The following NRG3 variants were observed in gnomAD, a reference collection of about 807,000 sequenced individuals.
NRG3 encodes the protein pro-neuregulin-3, membrane-bound isoform.
In NRG3, 31 loss-of-function variants were observed where a neutral mutation model predicts 66.9. The ratio of observed to expected loss-of-function variants is 0.46; its 90% CI spans 0.35 to 0.63. The LOEUF is 0.63. Ranked by LOEUF, NRG3 falls within the 20% of genes least tolerant of loss-of-function variation. The pLI, the probability that NRG3 is intolerant of heterozygous loss-of-function variation, is 0.00. For missense variants in NRG3, 910 were observed against 878.9 expected, an observed-to-expected ratio of 1.04 and a Z score of -0.45; for synonymous variants, 393 against 359.4, an observed-to-expected ratio of 1.09 and a Z score of -1.06.
chr10:82,260,845 G>A (rs1401465224), intron 1 of NRG3, among the ~76,000 whole-genome samples: 1 of 152,200 alleles, frequency 6.6e-6, no homozygotes, highest in African/African-American at 2.4e-5. Context: ...ATGTGGTAAA[G>A]GAGTTCTGTG....
In NRG3 at chr10:81,956,823, A is replaced by G. The variant is rs562357717; in HGVS notation, c.823+80660A>G. Reference sequence around the variant, plus strand: ...TTAACATACTACCAAACTCCTCACTATCCCCTATTAGGCCCTGTGCTACCT... The same window carrying G: ...TTAACATACTACCAAACTCCTCACTGTCCCCTATTAGGCCCTGTGCTACCT... On this transcript the variant is annotated intron_variant, in intron 1 of 8. Coordinates refer to ENST00000372141, the MANE Select transcript of NRG3 (RefSeq NM_001010848.4). Among the ~76,000 whole-genome samples, 4 of 152,212 alleles carry G rather than the reference A, an allele frequency of 2.6e-5. No homozygotes were observed. In the South Asian group the frequency reaches 8.3e-4, roughly 32 times the overall value.
chr10:82,802,542 T>C (rs958468898), intron 3 of NRG3, among the ~76,000 whole-genome samples: 1 of 152,186 alleles, frequency 6.6e-6, no homozygotes, highest in African/African-American at 2.4e-5. Flanking sequence ...GATATATTGA[T>C]TTCAAGACAA....
intron 2 of NRG3, among the ~76,000 whole-genome samples, chr10:82,612,964 T>C (rs1474002091): frequency 6.6e-6 from 1 of 152,192 alleles, no homozygotes; most frequent in East Asian, 1.9e-4. Context: ...TGAATTTGTT[T>C]TCTAAAGTCA....
intron 1 of NRG3, among the ~76,000 whole-genome samples, chr10:81,914,813 C>A (rs1845519263): frequency 6.7e-6 from 1 of 148,186 alleles, no homozygotes; most frequent in South Asian, 2.2e-4. Flanking sequence ...TGTATGATTC[C>A]ATTTTTGCTT....
intron 4 of NRG3, among the ~76,000 whole-genome samples, chr10:82,937,210 A>C (rs1848162587): frequency 6.6e-6 from 1 of 152,218 alleles, no homozygotes; most frequent in Non-Finnish European, 1.5e-5. Flanking sequence ...AAATAATGGT[A>C]ATAATATAGT....
intron 1 of NRG3, among the ~76,000 whole-genome samples, chr10:82,306,519 C>T (rs948757180): frequency 4.0e-5 from 6 of 151,396 alleles, no homozygotes; most frequent in African/African-American, 7.3e-5. Context: ...CTGGCTAATA[C>T]GGTGAAACCC....
intron 1 of NRG3, among the ~76,000 whole-genome samples, chr10:82,017,720 G>C (rs2061850651): frequency 6.6e-6 from 1 of 152,112 alleles, no homozygotes; most frequent in South Asian, 2.1e-4. Flanking sequence ...TGTGTCTGTT[G>C]GCTGCATAAA....
At position 82,699,324 on chromosome 10, in the gene NRG3, AGAAG is replaced by A. The variant is rs1367039855; in HGVS notation, c.954-39240_954-39237del. Among the ~76,000 whole-genome samples, 82 of 150,750 alleles carry A rather than the reference AGAAG, an allele frequency of 5.4e-4. No individual in the cohort carries two copies. In the East Asian group the frequency reaches 0.015, roughly 28 times the overall value. On this transcript the variant is annotated intron_variant, in intron 2 of 8. Transcript: ENST00000372141. Reference sequence around the variant, plus strand: ...GGGAGACAGGGAGGGAGGGAAGGAAAGAAGGAAGGAAGGAAGAAGGGATGGAGGG... The same window carrying A: ...GGGAGACAGGGAGGGAGGGAAGGAAAGAAGGAAGGAAGAAGGGATGGAGGG...
intron 2 of NRG3, among the ~76,000 whole-genome samples, chr10:82,630,250 TAA>T (rs1239116233): frequency 6.6e-6 from 1 of 150,900 alleles, no homozygotes; most frequent in African/African-American, 2.4e-5. Flanking sequence ...GAAAAGTAAA[TAA>T]AGAGGTAATT....
chr10:81,971,773 A>C (rs926220133), intron 1 of NRG3, among the ~76,000 whole-genome samples: 4 of 152,200 alleles, frequency 2.6e-5, no homozygotes, highest in African/African-American at 9.6e-5. Flanking sequence ...CAGGGAGACC[A>C]TGGTGGCTAG....
chr10:82,493,343 A>G (rs1843324935), intron 2 of NRG3, among the ~76,000 whole-genome samples: 2 of 151,914 alleles, frequency 1.3e-5, no homozygotes, highest in African/African-American at 2.4e-5. Flanking sequence ...ATGTGTTCTC[A>G]TTGTTCAGCT....
chr10:82,163,251 CA>C lies in NRG3; in HGVS notation c.824-195486del, dbSNP rs1039249355. Among the ~76,000 whole-genome samples, 60 of 152,262 alleles carry C rather than the reference CA, an allele frequency of 3.9e-4. 1 individual carries two copies. Among genetic ancestry groups the C allele is most frequent in the African/African-American group, 1.4e-3 (59 of 41,566 alleles). ...AAAAGATTATTTCAAAAAGTGCCCA[CA>C]ACTGAAGGAGTGACTTAATCAGGTT... On this transcript the variant is annotated intron_variant, in intron 1 of 8. Coordinates refer to ENST00000372141, the MANE Select transcript of NRG3 (RefSeq NM_001010848.4).
intron 3 of NRG3, among the ~76,000 whole-genome samples, chr10:82,815,624 G>A (rs2061673497): frequency 6.6e-6 from 1 of 151,966 alleles, no homozygotes; most frequent in East Asian, 1.9e-4. Flanking sequence ...ATTGTAACAT[G>A]TGTATATGTC....
At chr10:82,774,814 CTTT>C (rs752687809) in intron 3 of NRG3, among the ~76,000 whole-genome samples, 1 of 112,060 alleles carries the variant, frequency 8.9e-6, no homozygotes, top group African/African-American at 4.0e-5. Flanking sequence ...TTTCCTTTTT[CTTT>C]TTTCTTTTTT....
chr10:81,963,707 CAGTGCTA>C (rs1373248224), intron 1 of NRG3, among the ~76,000 whole-genome samples: 2 of 152,138 alleles, frequency 1.3e-5, no homozygotes, highest in Non-Finnish European at 2.9e-5. Flanking sequence ...TTTCATGATG[CAGTGCTA>C]AGGGTTGCTC....
intron 1 of NRG3, among the ~76,000 whole-genome samples, chr10:82,067,457 C>T (rs1448527321): frequency 6.6e-6 from 1 of 152,236 alleles, no homozygotes; most frequent in African/African-American, 2.4e-5. Flanking sequence ...AAGCCATTCT[C>T]CTGCCTCAGC....
intron 3 of NRG3, among the ~76,000 whole-genome samples, chr10:82,820,159 A>G (rs1339903396): frequency 3.3e-5 from 5 of 152,186 alleles, no homozygotes; most frequent in African/African-American, 1.2e-4. Context: ...TTAAAGGGGA[A>G]TTGACACTTA....
rs551119698 is a variant in NRG3, at chr10:82,324,832, G to A, written c.824-33907G>A. Among the ~76,000 whole-genome samples the A allele has an allele frequency of 2.0e-4, 31 of 152,286 alleles. No homozygotes were observed. In the South Asian group the frequency reaches 6.4e-3, roughly 32 times the overall value. On this transcript the variant is annotated intron_variant, in intron 1 of 8. Transcript: ENST00000372141. The stretch of plus-strand genomic sequence containing the variant: ...AAACTTGTTTAATGAACCCGAATAT[G>A]ATCTATCCTAGTAAATGTGGCATGC...
chr10:82,899,592 G>A (rs915356729), intron 4 of NRG3, among the ~76,000 whole-genome samples: 1 of 152,140 alleles, frequency 6.6e-6, no homozygotes, highest in Non-Finnish European at 1.5e-5. Context: ...GAGAAACCAT[G>A]GAAGCATATT....
Sources: gnomAD v4.1 joint callset for allele counts (sites outside exome capture counted in the v4.1 genomes callset) on GRCh38, gnomAD v4.1.1 for gene constraint, MANE v1.5 for transcripts, NCBI Gene and HGNC (gene_info 2026-07-23, HGNC 2026-07-21) for gene names.